The following PTPRD variants were observed in gnomAD, a reference collection of about 807,000 sequenced individuals.
The protein encoded by PTPRD is protein tyrosine phosphatase receptor type D.
Under a neutral mutation model 214.5 loss-of-function variants are expected in PTPRD, and 34 were observed. The observed-to-expected ratio is 0.16, with a 90% CI of 0.12 to 0.21. The LOEUF is 0.21. Ranked by LOEUF, PTPRD falls within the 10% of genes least tolerant of loss-of-function variation. The pLI is 1.00. For synonymous variants in PTPRD, 1,128 were observed against 845.7 expected, an observed-to-expected ratio of 1.33 and a Z score of -5.79; for missense variants, 2,545 against 2,398.7, an observed-to-expected ratio of 1.06 and a Z score of -1.27.
intron 14 of PTPRD, among the ~76,000 whole-genome samples, chr9:8,539,947 T>C (rs1010637463): frequency 3.3e-5 from 5 of 152,070 alleles, no homozygotes; most frequent in East Asian, 3.8e-4. Flanking sequence ...AAGAATTAGA[T>C]GGTTATGATG....
chr9:8,913,413 A>G (rs2098761732), intron 11 of PTPRD, among the ~76,000 whole-genome samples: 1 of 152,144 alleles, frequency 6.6e-6, no homozygotes, highest in Admixed American at 6.6e-5. Flanking sequence ...AACCTACATA[A>G]AAAATAAATA....
At chr9:8,510,339 G>A (rs1360546915) in intron 21 of PTPRD, among the ~76,000 whole-genome samples, 1 of 151,918 alleles carries the variant, frequency 6.6e-6, no homozygotes, top group Non-Finnish European at 1.5e-5. Flanking sequence ...CATGTGGTGC[G>A]AATACAAATG....
At chr9:8,558,575 C>T (rs1440413061) in intron 14 of PTPRD, among the ~76,000 whole-genome samples, 3 of 152,316 alleles carry the variant, frequency 2.0e-5, no homozygotes, top group Middle Eastern at 3.4e-3. Flanking sequence ...GTCAGATTTT[C>T]ATCTCTCTGA....
intron 2 of PTPRD, among the ~76,000 whole-genome samples, chr9:10,465,118 T>A (rs1256822465): frequency 6.6e-6 from 1 of 152,132 alleles, no homozygotes; most frequent in Admixed American, 6.6e-5. Flanking sequence ...AGGTATCAGA[T>A]TAATTCCCAC....
chr9:8,559,057 T>G (rs1383441838), intron 14 of PTPRD, among the ~76,000 whole-genome samples: 16 of 152,220 alleles, frequency 1.1e-4, no homozygotes, highest in African/African-American at 3.4e-4. Flanking sequence ...TTTACTTGTT[T>G]CTATCTCTTT....
chr9:8,478,275 T>C (rs1211233355), intron 30 of PTPRD, among the ~76,000 whole-genome samples: 1 of 152,106 alleles, frequency 6.6e-6, no homozygotes, highest in African/African-American at 2.4e-5. Context: ...AACACATGAT[T>C]AATTACTCTT....
chr9:10,251,492 A>T (rs1322148), intron 3 of PTPRD, among the ~76,000 whole-genome samples: 87,458 of 151,732 alleles, frequency 0.58, 27,211 homozygotes, highest in East Asian at 0.73. Flanking sequence ...TATGTGATTT[A>T]CAACAAGTTG....
chr9:10,293,293 T>C (rs1251602107), intron 3 of PTPRD, among the ~76,000 whole-genome samples: 1 of 151,966 alleles, frequency 6.6e-6, no homozygotes, highest in Non-Finnish European at 1.5e-5. Flanking sequence ...CATTATCTTG[T>C]AAATAATGAT....
chr9:9,565,922 T>G (rs184048887), intron 8 of PTPRD, among the ~76,000 whole-genome samples: 1 of 151,914 alleles, frequency 6.6e-6, no homozygotes, highest in African/African-American at 2.4e-5. Context: ...TCTTCTATAG[T>G]AGGGAATCTA....
rs752741000 is a variant in PTPRD at position 8,404,697 on chromosome 9, T to C, written c.4087-37A>G. 62 of 1,574,536 alleles carry C rather than the reference T, an allele frequency of 3.9e-5. No homozygotes were observed. The Middle Eastern group carries it at 5.1e-4, about 13-fold the overall frequency. On this transcript the variant is annotated intron_variant, in intron 35 of 45. Coordinates refer to ENST00000381196, the MANE Select transcript of PTPRD (RefSeq NM_002839.4). The stretch of plus-strand genomic sequence containing the variant: ...AAACAACACATATACACAAAATCAA[T>C]ACTGAAAACCACCAGATTATAGGCA...
chr9:9,120,329 T>A (rs1437277213), intron 10 of PTPRD, among the ~76,000 whole-genome samples: 1 of 152,222 alleles, frequency 6.6e-6, no homozygotes, highest in Non-Finnish European at 1.5e-5. Flanking sequence ...AGTAATTACA[T>A]GGAGACCGTG....
At chr9:9,622,098 A>T (rs1218610916) in intron 7 of PTPRD, among the ~76,000 whole-genome samples, 1 of 152,224 alleles carries the variant, frequency 6.6e-6, no homozygotes, top group East Asian at 1.9e-4. Flanking sequence ...CATAGAAAGT[A>T]TTAGGGAACA....
At chr9:8,967,655 A>G (rs1290010993) in intron 11 of PTPRD, among the ~76,000 whole-genome samples, 1 of 152,158 alleles carries the variant, frequency 6.6e-6, no homozygotes, top group Admixed American at 6.6e-5. Context: ...GGTATTGAAA[A>G]TGATTCATAA....
At chr9:8,642,927 T>C (rs1315523163) in intron 12 of PTPRD, among the ~76,000 whole-genome samples, 1 of 151,886 alleles carries the variant, frequency 6.6e-6, no homozygotes, top group Non-Finnish European at 1.5e-5. Context: ...TGATGTATCA[T>C]TGCTTAGGAG....
At chr9:10,428,176 G>A (rs1051657869) in intron 2 of PTPRD, among the ~76,000 whole-genome samples, 5 of 151,884 alleles carry the variant, frequency 3.3e-5, no homozygotes, top group African/African-American at 1.2e-4. Context: ...TAAAATAGCT[G>A]GGTGTGGTGG....
intron 11 of PTPRD, among the ~76,000 whole-genome samples, chr9:8,800,243 T>C (rs529536503): frequency 6.6e-6 from 1 of 152,150 alleles, no homozygotes; most frequent in East Asian, 1.9e-4. Flanking sequence ...AAGGCATGTA[T>C]ATTTAAAAAA....
At chr9:10,126,001 C>G (rs1188946593) in intron 3 of PTPRD, among the ~76,000 whole-genome samples, 3 of 151,924 alleles carry the variant, frequency 2.0e-5, no homozygotes, top group African/African-American at 2.4e-5. Context: ...TAATTTTAAA[C>G]CTATAAAACA....
chr9:8,357,964 C>G (rs1297794602), intron 39 of PTPRD, among the ~76,000 whole-genome samples: 1 of 152,184 alleles, frequency 6.6e-6, no homozygotes, highest in African/African-American at 2.4e-5. Flanking sequence ...GAAACCAATA[C>G]TTCTTGGTCT....
At chr9:9,327,335 T>A (rs1170226273) in intron 9 of PTPRD, among the ~76,000 whole-genome samples, 1 of 152,220 alleles carries the variant, frequency 6.6e-6, no homozygotes, top group African/African-American at 2.4e-5. Flanking sequence ...AATCAAAGTA[T>A]TAAATATGCT....
Sources: allele counts gnomAD v4.1 joint callset (sites outside exome capture counted in the v4.1 genomes callset), GRCh38; gene constraint gnomAD v4.1.1; transcripts MANE v1.5; gene names NCBI Gene and HGNC (gene_info 2026-07-23, HGNC 2026-07-21).